KNL1: variants seen among roughly 807,000 people sequenced by gnomAD.
KNL1 encodes the protein kinetochore scaffold 1.
KNL1 carries 66 observed loss-of-function variants against 201.3 expected under a neutral mutation model. The observed-to-expected ratio is 0.33, with a 90% CI of 0.27 to 0.40. The LOEUF is 0.40. Among genes scored for constraint, KNL1 ranks in the 10% least tolerant of loss-of-function variants. The probability of loss-of-function intolerance (pLI) is 1.00; values close to 1 mark genes in which losing one functional copy is unlikely to be tolerated. For synonymous variants in KNL1, 895 were observed against 899.2 expected (o/e 1.00, Z 0.08); for missense variants, 2,815 against 2,690.5 (o/e 1.05, Z -1.02).
chr15:40,655,741 C>A (rs189469330), intron 22 of KNL1, among the ~76,000 whole-genome samples: 2 of 151,570 alleles, frequency 1.3e-5, no homozygotes, highest in African/African-American at 2.4e-5. Flanking sequence ...GGTGAAACCC[C>A]GTCTCTACTA....
chr15:40,602,635 C>T (rs1048013479), intron 1 of KNL1, among the ~76,000 whole-genome samples: 4 of 151,434 alleles, frequency 2.6e-5, no homozygotes, highest in Non-Finnish European at 5.9e-5. Flanking sequence ...TACAGGCATG[C>T]GCCACCACGC....
Position 40,622,420 on chromosome 15 carries a change from G to A in KNL1, c.2156G>A (p.Ser719Asn), listed in dbSNP as rs1287590384. Residue 719 changes from serine to asparagine, a missense_variant, in exon 10 of 26, where the codon AGT becomes AAT. This residue lies in a region of KNL1 where 2,464 missense variants were observed against 2,291.7 expected (regional missense o/e 1.08). Transcript: ENST00000399668. The stretch of plus-strand genomic sequence containing the variant: ...AAAAATCATGATACTGCTATAAGTA[G>A]TCATACAGTGAAATCTGTACTAGGC... ...SMKNHDTAIS[S>N]HTVKSVLGQN... is the part of the protein sequence containing the mutation. The A allele has an allele frequency of 6.2e-7, 1 of 1,613,654 alleles. No individual in the cohort carries two copies. Among genetic ancestry groups the A allele is most frequent in the Non-Finnish European group, 8.5e-7 (1 of 1,179,786 alleles).
At position 40,621,633 on chromosome 15, in the gene KNL1, A is replaced by C; in HGVS notation, c.1369A>C (p.Ser457Arg). ...REEKNLLKHDSNYAKMYCNPD... is the reference protein window; with the variant it reads ...REEKNLLKHDRNYAKMYCNPD... ...GGAGAAAAATTTGCTAAAGCATGAC[A>C]GTAATTATGCTAAAATGTATTGCAA... The change falls in exon 10 of 26, where the codon AGT becomes CGT. Residue 457 changes from serine to arginine, a missense_variant. Ser to Arg is a moderately radical substitution (Grantham distance 110). Coordinates refer to ENST00000399668, the MANE Select transcript of KNL1 (RefSeq NM_144508.5). 1.9e-6 allele frequency: 3 copies of C among 1,612,720 alleles called. No homozygotes were observed. The highest frequency in any genetic ancestry group is 2.5e-6 in the Non-Finnish European group (3 of 1,179,282).
chr15:40,634,877 T>C (rs548566350), intron 13 of KNL1, among the ~76,000 whole-genome samples: 18 of 152,024 alleles, frequency 1.2e-4, no homozygotes, highest in African/African-American at 4.3e-4. Flanking sequence ...CTTGCTGAAG[T>C]CAGGAGGGGT....
chr15:40,595,441 A>G (rs1360280018), intron 1 of KNL1, among the ~76,000 whole-genome samples: 1 of 152,168 alleles, frequency 6.6e-6, no homozygotes, highest in African/African-American at 2.4e-5. Flanking sequence ...ATGGGAGTTA[A>G]TATGTGGTAA....
At chr15:40,608,019 C>T (rs1362966912) in intron 4 of KNL1, among the ~76,000 whole-genome samples, 1 of 152,028 alleles carries the variant, frequency 6.6e-6, no homozygotes, top group African/African-American at 2.4e-5. Context: ...CGGCATTATT[C>T]ACATTAGCTA....
At chr15:40,602,673 C>G (rs1250594118) in intron 1 of KNL1, among the ~76,000 whole-genome samples, 1 of 151,408 alleles carries the variant, frequency 6.6e-6, no homozygotes, top group Non-Finnish European at 1.5e-5. Context: ...TTGGTAGAGA[C>G]GGGGTTTCTC....
intron 13 of KNL1, among the ~76,000 whole-genome samples, chr15:40,634,405 C>T (rs1057402915): frequency 1.1e-4 from 16 of 152,292 alleles, no homozygotes; most frequent in African/African-American, 3.4e-4. Context: ...ACGCCTGGTG[C>T]GTGAATATAC....
intron 7 of KNL1, among the ~76,000 whole-genome samples, chr15:40,612,982 T>A (rs1201120873): frequency 6.6e-6 from 1 of 152,198 alleles, no homozygotes; most frequent in Non-Finnish European, 1.5e-5. Context: ...CTCACCAATA[T>A]ACGTGTAAAT....
In KNL1 at chr15:40,625,576, T is replaced by G; in HGVS notation, c.5312T>G (p.Ile1771Ser). Residue 1771 changes from isoleucine (I) to serine (S), a missense_variant, in exon 10 of 26, where the codon ATT becomes AGT. Physicochemically the swap from Ile to Ser is moderately radical, Grantham distance 142 (BLOSUM62 -2). Transcript: ENST00000399668. Reference sequence around the variant, plus strand: ...ACGTGGGTACAAGAAGAAGAAGATATTCATAAGGAGAAAAAAATCAGAAAA... The same window carrying G: ...ACGTGGGTACAAGAAGAAGAAGATAGTCATAAGGAGAAAAAAATCAGAAAA... ...KRTWVQEEED[I>S]HKEKKIRKNE... 6.2e-7 allele frequency: 1 copy of G among 1,606,338 alleles called. No individual in the cohort carries two copies. Among genetic ancestry groups the G allele is most frequent in the Non-Finnish European group, 8.5e-7 (1 of 1,178,078 alleles).
chr15:40,605,496 G>A (rs2141700380), intron 3 of KNL1, among the ~76,000 whole-genome samples: 1 of 152,318 alleles, frequency 6.6e-6, no homozygotes, highest in South Asian at 2.1e-4. Flanking sequence ...CTGTCGCCCA[G>A]GCTGGAGCGC....
At chr15:40,594,980 TTATTC>T (rs2141688610) in intron 1 of KNL1, among the ~76,000 whole-genome samples, 1 of 152,400 alleles carries the variant, frequency 6.6e-6, no homozygotes, top group African/African-American at 2.4e-5. Context: ...CTTCTGTTCA[TTATTC>T]CTCAGGATTT....
intron 5 of KNL1, 44 bp downstream of exon 5, chr15:40,608,952 A>G (rs1354829683): frequency 1.5e-6 from 2 of 1,337,972 alleles, no homozygotes; most frequent in Non-Finnish European, 2.1e-6. Context: ...AGGTACTGGT[A>G]TTTTGTGTAT....
rs757134838 is a variant in KNL1, at chr15:40,624,592, C to T, written c.4328C>T (p.Pro1443Leu). The change falls in exon 10 of 26, where the codon CCT (proline) becomes CTT (leucine). Residue 1443 changes from proline (P) to leucine (L), a missense_variant. By Grantham distance (98) the Pro-to-Leu change is moderately conservative. This residue lies in a region of KNL1 where 2,464 missense variants were observed against 2,291.7 expected (regional missense o/e 1.08). Coordinates refer to ENST00000399668, the MANE Select transcript of KNL1 (RefSeq NM_144508.5). ...GATGACATTTATGTTATTCCTCAGC[C>T]TCATTTCTCAACCGACCAACCTCCA... ...YVDDIYVIPQ[P>L]HFSTDQPPLP... The T allele has an allele frequency of 5.0e-6, 8 of 1,613,856 alleles. No homozygotes were observed. Among genetic ancestry groups the T allele is most frequent in the Non-Finnish European group, 6.8e-6 (8 of 1,179,856 alleles).
In KNL1 at chr15:40,663,533, A is replaced by G. The variant is rs1893972901; in HGVS notation, c.*1345A>G. 1 of 189,860 alleles carries G rather than the reference A, an allele frequency of 5.3e-6. No individual in the cohort carries two copies. The highest frequency in any genetic ancestry group is 8.4e-5 in the East Asian group (1 of 11,872). The allele number at this position is 189,860 out of a possible 1,614,324, so 11.8% of individuals were successfully genotyped here. On this transcript the variant is annotated 3_prime_UTR_variant, in exon 26 of 26. Transcript: ENST00000399668. ...CTAGGCAGTTCCCAATTTTCTGAAGAATGTTTTACAGCAAAATTTTCTATT... is the reference window on the plus strand; with the variant it reads ...CTAGGCAGTTCCCAATTTTCTGAAGGATGTTTTACAGCAAAATTTTCTATT...
chr15:40,658,561 C>CAAA (rs35180053), intron 24 of KNL1, among the ~76,000 whole-genome samples: 27 of 74,044 alleles, frequency 3.6e-4, no homozygotes, highest in Non-Finnish European at 5.6e-4. Flanking sequence ...GAATCTGTCT[C>CAAA]AAAAAAAAAA....
Position 40,654,888 on chromosome 15 carries a change from CATT to C in KNL1, c.6416-17_6416-15del, listed in dbSNP as rs745969281. 1.3e-6 allele frequency: 2 copies of C among 1,598,438 alleles called. No individual in the cohort carries two copies. Among genetic ancestry groups the C allele is most frequent in the East Asian group, 4.5e-5 (2 of 44,788 alleles). On this transcript the variant is annotated intron_variant, in intron 21 of 25. Transcript: ENST00000399668. ...TCTGTCTAAAAAAATTTTTAAAAAT[CATT>C]ATTCTGGTTCTTTCTAGTTGGTTTC...
intron 1 of KNL1, among the ~76,000 whole-genome samples, chr15:40,595,778 T>C (rs1891602687): frequency 6.6e-6 from 1 of 152,162 alleles, no homozygotes; most frequent in African/African-American, 2.4e-5. Flanking sequence ...TTAAATTTTA[T>C]TTTATTTTCA....
intron 14 of KNL1, 59 bp from the exon 15 acceptor site, chr15:40,644,938 A>G (rs1893341085): frequency 1.9e-6 from 2 of 1,066,540 alleles, no homozygotes; most frequent in Admixed American, 1.9e-5. Flanking sequence ...ACATAGACAC[A>G]GTAACAGTCT....
Sources: gnomAD v4.1 joint callset for allele counts (sites outside exome capture counted in the v4.1 genomes callset) on GRCh38, gnomAD v4.1.1 for gene constraint, gnomAD v4.1.1 regional missense constraint, MANE v1.5 for transcripts, NCBI Gene and HGNC (gene_info 2026-07-23, HGNC 2026-07-21) for gene names.